Variants in SLC25A30 observed in about 807,000 individuals in gnomAD.
The protein encoded by SLC25A30 is solute carrier family 25 member 30.
Under a neutral mutation model 42.7 loss-of-function variants are expected in SLC25A30, and 29 were observed. The observed-to-expected ratio is 0.68, with a 90% CI of 0.51 to 0.93. The LOEUF is 0.93. Ranked by LOEUF, SLC25A30 falls within the 40% of genes least tolerant of loss-of-function variation. The pLI is 0.00. For synonymous variants in SLC25A30, 124 were observed against 131.0 expected, an observed-to-expected ratio of 0.95 and a Z score of 0.37; for missense variants, 300 against 359.7, an observed-to-expected ratio of 0.83 and a Z score of 1.34.
intron 3 of SLC25A30, among the ~76,000 whole-genome samples, chr13:45,406,859 C>T (rs1882559786): frequency 6.6e-6 from 1 of 152,208 alleles, no homozygotes; most frequent in African/African-American, 2.4e-5. Context: ...TTCTCTACAG[C>T]ATCCTACCTG....
chr13:45,415,097 TCTC>T (rs1239588805), intron 1 of SLC25A30, among the ~76,000 whole-genome samples: 1 of 152,148 alleles, frequency 6.6e-6, no homozygotes, highest in Admixed American at 6.5e-5. Context: ...ATTCCTTACT[TCTC>T]CTTGCTGCGT....
At chr13:45,419,537 T>C (rs1883820916), upstream of SLC25A30, among the ~76,000 whole-genome samples, 1 of 149,470 alleles carries the variant, frequency 6.7e-6, no homozygotes, top group South Asian at 2.2e-4. Flanking sequence ...GAGGCTGGTC[T>C]CGAACTCCCG....
At chr13:45,412,020 G>T (rs1206266057) in intron 1 of SLC25A30, 2 of 100,698 alleles carry the variant, frequency 2.0e-5, no homozygotes, top group Admixed American at 1.2e-4. Context: ...GTGGGGGGGT[G>T]GGGTGGGGAT....
In SLC25A30 at chr13:45,409,058, A is replaced by G. The variant is rs61733507; in HGVS notation, c.81T>C (p.Asp27=). The change falls in exon 3 of 10, where the codon GAT becomes GAC. Residue 27 remains aspartate (D), a synonymous_variant. Coordinates refer to ENST00000519676, the MANE Select transcript of SLC25A30 (RefSeq NM_001010875.4). ...GAATCTGGAGCCGTGTCTTGGTTAA[A>G]TCAATTGGAAATGTACCTTAAAATT... The part of the protein sequence containing the change: ...ITAECGTFPI[D]LTKTRLQIQG... 1.7e-4 allele frequency: 276 copies of G among 1,604,946 alleles called. 1 individual carries two copies. Among genetic ancestry groups the G allele is most frequent in the Middle Eastern group, 1.0e-3 (6 of 6,022 alleles).
In SLC25A30 at chr13:45,393,418, T is replaced by TATG; in HGVS notation, c.*2553_*2555dup. 1 of 983,416 alleles carries TATG rather than the reference T, an allele frequency of 1.0e-6. No homozygotes were observed. Among genetic ancestry groups the TATG allele is most frequent in the African/African-American group, 1.7e-5 (1 of 57,324 alleles). 60.9% of individuals were successfully genotyped at this position (983,416 alleles called of 1,614,324 possible). On this transcript the variant is annotated 3_prime_UTR_variant, in exon 10 of 10. Coordinates refer to ENST00000519676, the MANE Select transcript of SLC25A30 (RefSeq NM_001010875.4). ...ATAAAGAGCTTGAAATATAAAGGCTTATGAAAACTTCATACTCTTTATATA... is the reference window on the plus strand; with the variant it reads ...ATAAAGAGCTTGAAATATAAAGGCTTATGATGAAAACTTCATACTCTTTATATA...
upstream of SLC25A30, among the ~76,000 whole-genome samples, chr13:45,422,919 A>G (rs1312347428): frequency 6.6e-6 from 1 of 152,118 alleles, no homozygotes; most frequent in African/African-American, 2.4e-5. Flanking sequence ...CATGTCCTCC[A>G]GGAAGTCTCT....
intron 8 of SLC25A30, 189 bp downstream of exon 8, chr13:45,398,751 G>C (rs1881621497): frequency 2.0e-6 from 1 of 489,796 alleles, no homozygotes; most frequent in African/African-American, 2.0e-5. Context: ...AGCAGATGGA[G>C]GTATAAAGAA....
the SLC25A30 span, among the ~76,000 whole-genome samples, chr13:45,424,116 A>T: frequency 1.2e-5 from 1 of 85,048 alleles, no homozygotes; most frequent in South Asian, 4.2e-4. Flanking sequence ...AATATATATA[A>T]ATATATATAA....
chr13:45,393,449 T>C lies in SLC25A30; in HGVS notation c.*2525A>G, dbSNP rs571840852. On this transcript the variant is annotated 3_prime_UTR_variant, in exon 10 of 10. Transcript: ENST00000519676. ...AACTTCATACTCTTTATATAATGCA[T>C]ACTATTTCTAGCACATGAATAAATA... is the stretch of plus-strand genomic sequence containing the variant. 3 of 982,610 alleles carry C rather than the reference T, an allele frequency of 3.1e-6. No homozygotes were observed. In the Admixed American group the frequency reaches 1.8e-4, roughly 60 times the overall value. The allele number at this position is 982,610 out of a possible 1,614,324, so 60.9% of individuals were successfully genotyped here. A position where few individuals can be genotyped will look rare whatever the true frequency, so the allele number is the denominator to read the frequency against.
chr13:45,424,152 T>TATATAAACATATAA, the SLC25A30 span, among the ~76,000 whole-genome samples: 1 of 87,202 alleles, frequency 1.1e-5, no homozygotes, highest in African/African-American at 4.9e-5. Context: ...AATATAAGTA[T>TATATAAACATATAA]ATATATAGAA....
chr13:45,402,326 T>C lies in SLC25A30; in HGVS notation c.438A>G (p.Ile146Met), dbSNP rs770469500. Residue 146 changes from isoleucine (I) to methionine (M), a missense_variant, in exon 6 of 10, where the codon ATA (isoleucine) becomes ATG (methionine). By Grantham distance (10) the Ile-to-Met change is conservative. Coordinates refer to ENST00000519676, the MANE Select transcript of SLC25A30 (RefSeq NM_001010875.4). ...AQSNTIQGGM[I>M]GNFMNIYQQE... ...GCTGGTAAATGTTCATGAAGTTGCCTATCATTCCTCCTTGAATGGTGTTGC... is the reference window on the plus strand; with the variant it reads ...GCTGGTAAATGTTCATGAAGTTGCCCATCATTCCTCCTTGAATGGTGTTGC... 3.2e-5 allele frequency: 52 copies of C among 1,614,020 alleles called. No individual in the cohort carries two copies. The highest frequency in any genetic ancestry group is 4.4e-5 in the Non-Finnish European group (52 of 1,180,004).
chr13:45,413,634 A>G (rs184763807), intron 1 of SLC25A30, among the ~76,000 whole-genome samples: 1 of 151,532 alleles, frequency 6.6e-6, no homozygotes, highest in East Asian at 1.9e-4. Flanking sequence ...AGCTCACTGC[A>G]ACCTCCACCT....
At chr13:45,429,738 G>A in the SLC25A30 span, among the ~76,000 whole-genome samples, 1 of 151,996 alleles carries the variant, frequency 6.6e-6, no homozygotes, top group Non-Finnish European at 1.5e-5. Flanking sequence ...AGGAGGCTGA[G>A]GCAGGAAGAT....
intron 8 of SLC25A30, chr13:45,397,980 T>A: frequency 1.0e-6 from 1 of 985,352 alleles, no homozygotes; most frequent in Non-Finnish European, 1.2e-6. Flanking sequence ...GCAATAGTGG[T>A]AGAGATATCA....
chr13:45,425,703 T>C, the SLC25A30 span, among the ~76,000 whole-genome samples: 4 of 137,308 alleles, frequency 2.9e-5, no homozygotes, highest in African/African-American at 1.1e-4. Flanking sequence ...CACACATATA[T>C]ATTTTTTGGG....
chr13:45,420,389 A>G (rs1883862614), upstream of SLC25A30: 1 of 152,252 alleles, frequency 6.6e-6, no homozygotes, highest in Non-Finnish European at 1.5e-5. Context: ...AATTCTGGCC[A>G]TAAAAACAAA....
Position 45,401,267 on chromosome 13 carries a change from C to G in SLC25A30, c.490-60G>C, listed in dbSNP as rs553452392. 229 of 1,545,114 alleles carry G rather than the reference C, an allele frequency of 1.5e-4. 1 individual carries two copies. The African/African-American group carries it at 2.8e-3, about 19-fold the overall frequency. ...ATATGCCTCTGTAGAACAAGCCTTG[C>G]AAATGTGCAAAGGTTCTAATCCATA... On this transcript the variant is annotated intron_variant, in intron 6 of 9. Coordinates refer to ENST00000519676, the MANE Select transcript of SLC25A30 (RefSeq NM_001010875.4).
chr13:45,408,472 C>G (rs994427482), intron 3 of SLC25A30, among the ~76,000 whole-genome samples: 1 of 152,128 alleles, frequency 6.6e-6, no homozygotes, highest in African/African-American at 2.4e-5. Context: ...ACGTTCTGTT[C>G]CTGCAGGTAT....
intron 3 of SLC25A30, among the ~76,000 whole-genome samples, chr13:45,407,506 G>A (rs867454406): frequency 1.6e-4 from 25 of 152,200 alleles, no homozygotes; most frequent in African/African-American, 6.0e-4. Context: ...GCTGCTGTAA[G>A]CCATTTTGTG....
Sources: gnomAD v4.1 joint callset for allele counts (sites outside exome capture counted in the v4.1 genomes callset) on GRCh38, gnomAD v4.1.1 for gene constraint, MANE v1.5 for transcripts, NCBI Gene and HGNC (gene_info 2026-07-23, HGNC 2026-07-21) for gene names.